GGH: variants seen among roughly 807,000 people sequenced by gnomAD.
GGH encodes gamma-glutamyl hydrolase, also known as gamma-Glu-X carboxypeptidase.
In GGH, 18 loss-of-function variants were observed where a neutral mutation model predicts 39.2. The ratio of observed to expected loss-of-function variants is 0.46; its 90% CI spans 0.32 to 0.68. The LOEUF is 0.68. GGH is among the 30% of genes least tolerant of loss of function. The probability of loss-of-function intolerance (pLI) is 0.04; values close to 1 mark genes in which losing one functional copy is unlikely to be tolerated. For missense variants in GGH, 367 were observed against 384.1 expected (o/e 0.96, Z 0.37); for synonymous variants, 147 against 138.8 (o/e 1.06, Z -0.42).
At chr8:63,029,894 C>T in intron 3 of GGH, 1 of 257,618 alleles carries the variant, frequency 3.9e-6, no homozygotes, top group Admixed American at 5.4e-5. Context: ...TTAAGACAAG[C>T]ATTAAAAGAA....
At chr8:63,031,030 C>A (rs1327126355) in intron 2 of GGH, among the ~76,000 whole-genome samples, 27 of 152,230 alleles carry the variant, frequency 1.8e-4, no homozygotes, top group Non-Finnish European at 4.4e-5. Flanking sequence ...AACTCTCCCA[C>A]ATTTAGCAGC....
At chr8:63,027,761 T>G (rs1478547026) in intron 3 of GGH, among the ~76,000 whole-genome samples, 5 of 152,274 alleles carry the variant, frequency 3.3e-5, no homozygotes, top group African/African-American at 1.2e-4. Context: ...AATTTAATTC[T>G]TATCACCCCG....
At chr8:63,022,619 A>G (rs1464224792) in intron 7 of GGH, among the ~76,000 whole-genome samples, 1 of 151,544 alleles carries the variant, frequency 6.6e-6, no homozygotes, top group Non-Finnish European at 1.5e-5. Flanking sequence ...CAGTGGCACA[A>G]TCTCGACTCA....
At chr8:63,027,849 AAAG>A (rs1235972199) in intron 3 of GGH, among the ~76,000 whole-genome samples, 6 of 152,112 alleles carry the variant, frequency 3.9e-5, no homozygotes, top group African/African-American at 1.2e-4. Context: ...AAGCCTAGGA[AAAG>A]AAGGCAGTCA....
chr8:63,020,276 T>C (rs1242931219), intron 7 of GGH, among the ~76,000 whole-genome samples: 2 of 151,910 alleles, frequency 1.3e-5, no homozygotes, highest in African/African-American at 4.8e-5. Flanking sequence ...ATTTTGGAGG[T>C]GGGAGAAAAT....
At chr8:63,031,932 A>C (rs2129673331) in intron 2 of GGH, among the ~76,000 whole-genome samples, 1 of 152,352 alleles carries the variant, frequency 6.6e-6, no homozygotes, top group East Asian at 1.9e-4. Flanking sequence ...AAGGATGGTA[A>C]GGCATTGTTG....
chr8:63,036,899 C>G (rs1804919977), intron 1 of GGH, among the ~76,000 whole-genome samples: 1 of 152,212 alleles, frequency 6.6e-6, no homozygotes, highest in African/African-American at 2.4e-5. Flanking sequence ...GGTCCCTAAA[C>G]TTTAATAAAC....
At chr8:63,037,799 G>C (rs188653399) in intron 1 of GGH, among the ~76,000 whole-genome samples, 1 of 152,102 alleles carries the variant, frequency 6.6e-6, no homozygotes, top group Non-Finnish European at 1.5e-5. Context: ...ATGTTAAACA[G>C]CTATGAAATA....
At chr8:63,030,006 T>C in intron 3 of GGH, 161 bp downstream of exon 3, 1 of 440,424 alleles carries the variant, frequency 2.3e-6, no homozygotes, top group Non-Finnish European at 4.2e-6. Flanking sequence ...CTTTTGCATC[T>C]CCCAAGAAAA....
chr8:63,022,196 A>C, intron 7 of GGH, among the ~76,000 whole-genome samples: 1 of 152,026 alleles, frequency 6.6e-6, no homozygotes. Context: ...TCCTTCCCTC[A>C]AACAAGATCA....
chr8:63,018,943 T>C (rs776276020), intron 7 of GGH, among the ~76,000 whole-genome samples: 1 of 152,176 alleles, frequency 6.6e-6, no homozygotes, highest in Non-Finnish European at 1.5e-5. Flanking sequence ...TAGTAACTTG[T>C]ATGAACAGGA....
chr8:63,028,990 A>G (rs925014794), intron 3 of GGH, among the ~76,000 whole-genome samples: 1 of 152,238 alleles, frequency 6.6e-6, no homozygotes, highest in African/African-American at 2.4e-5. Context: ...TGGGCATTGT[A>G]AATGTTTTAC....
At chr8:63,038,587 G>C in intron 1 of GGH, 73 bp downstream of exon 1, 1 of 735,714 alleles carries the variant, frequency 1.4e-6, no homozygotes, top group Non-Finnish European at 2.0e-6. Context: ...CAGCTGGAGC[G>C]CGGCGGCGGG....
chr8:63,032,061 T>C (rs1170836924), intron 2 of GGH, among the ~76,000 whole-genome samples: 3 of 152,114 alleles, frequency 2.0e-5, no homozygotes, highest in Admixed American at 6.6e-5. Flanking sequence ...TTGAGAAAGG[T>C]CTGGCTCTGT....
rs139855141 is a variant in GGH at position 63,029,367 on chromosome 8, C to T, written c.275+800G>A. 5.1e-3 allele frequency among the ~76,000 whole-genome samples: 771 copies of T among 152,144 alleles called. 9 individuals carry two copies. The highest frequency in any genetic ancestry group is 0.018 in the African/African-American group (749 of 41,514). ...ATCTAAGTCAGCATCTACAGATAGC[C>T]GCATTTTTTAATTCCTGCATAGTAT... On this transcript the variant is annotated intron_variant, in intron 3 of 8. Transcript: ENST00000260118.
intron 2 of GGH, among the ~76,000 whole-genome samples, chr8:63,032,090 G>T (rs1804816361): frequency 6.6e-6 from 1 of 152,196 alleles, no homozygotes; most frequent in Non-Finnish European, 1.5e-5. Context: ...CTGGAGTGCA[G>T]TAGCGCCATC....
At chr8:63,034,164 T>A (rs1201178030) in intron 2 of GGH, among the ~76,000 whole-genome samples, 1 of 151,534 alleles carries the variant, frequency 6.6e-6, no homozygotes, top group African/African-American at 2.4e-5. Context: ...CTCTGGAGCC[T>A]CTTCCTCAGC....
At chr8:63,035,577 T>A in intron 2 of GGH, 79 bp downstream of exon 2, 2 of 1,528,446 alleles carry the variant, frequency 1.3e-6, no homozygotes, top group African/African-American at 1.4e-5. Flanking sequence ...AGTGCTAGAA[T>A]TACAGGCATG....
intron 7 of GGH, among the ~76,000 whole-genome samples, chr8:63,018,221 C>T (rs911498006): frequency 6.6e-6 from 1 of 151,998 alleles, no homozygotes; most frequent in Non-Finnish European, 1.5e-5. Flanking sequence ...GATAGATAGA[C>T]ACCCAGGGTT....
Sources: allele counts gnomAD v4.1 joint callset (sites outside exome capture counted in the v4.1 genomes callset), GRCh38; gene constraint gnomAD v4.1.1; transcripts MANE v1.5; gene names NCBI Gene and HGNC (gene_info 2026-07-23, HGNC 2026-07-21).